CBX7: variants seen among roughly 807,000 people sequenced by gnomAD.
The protein encoded by CBX7 is chromobox protein homolog 7.
A neutral mutation model predicts 31.4 loss-of-function variants in CBX7; 14 were observed. The observed-to-expected ratio is 0.45, with a 90% confidence interval of 0.29 to 0.70. CBX7 has a LOEUF of 0.70. Ranked by LOEUF, CBX7 falls within the 30% of genes least tolerant of loss-of-function variation. The probability of loss-of-function intolerance (pLI) is 0.11; values close to 1 mark genes in which losing one functional copy is unlikely to be tolerated. For missense variants in CBX7, 269 were observed against 351.9 expected (o/e 0.76, Z 1.89); for synonymous variants, 159 against 152.6 (o/e 1.04, Z -0.31).
Position 39,133,888 on chromosome 22 carries a change from G to A in CBX7, c.*3C>T. ...ACAGTTTAAGAAGAGTAAAAACGGT[G>A]ATTCAGAACTTCCCACTGCGGTCTC... On this transcript the variant is annotated 3_prime_UTR_variant, in exon 6 of 6. Transcript: ENST00000216133. 9 of 1,603,450 alleles carry A rather than the reference G, an allele frequency of 5.6e-6. No homozygotes were observed. Among genetic ancestry groups the A allele is most frequent in the Non-Finnish European group, 6.0e-6 (7 of 1,173,612 alleles).
chr22:39,144,486 G>T (rs1168785415), intron 2 of CBX7, among the ~76,000 whole-genome samples: 1 of 152,220 alleles, frequency 6.6e-6, no homozygotes, highest in Non-Finnish European at 1.5e-5. Flanking sequence ...ACCCTGGCGC[G>T]CAGAGCCACC....
At chr22:39,141,791 C>A (rs1020516046) in intron 2 of CBX7, among the ~76,000 whole-genome samples, 37 of 151,828 alleles carry the variant, frequency 2.4e-4, no homozygotes, top group African/African-American at 8.7e-4. Context: ...TGGGCAGGTG[C>A]ACCAGCAGAG....
chr22:39,146,225 T>G (rs749638298), intron 2 of CBX7, among the ~76,000 whole-genome samples: 1 of 152,212 alleles, frequency 6.6e-6, no homozygotes, highest in South Asian at 2.1e-4. Flanking sequence ...GGAAAGCATT[T>G]CGATCAGTGT....
Position 39,132,892 on chromosome 22 carries a change from G to A in CBX7, c.*999C>T, listed in dbSNP as rs1292032886. ...AAGGACAGGGTCCAGACGTCTCAAA[G>A]CCTGTGCTGATACATCACACAACTT... On this transcript the variant is annotated 3_prime_UTR_variant, in exon 6 of 6. Coordinates refer to ENST00000216133, the MANE Select transcript of CBX7 (RefSeq NM_175709.5). 2.6e-5 allele frequency: 4 copies of A among 152,520 alleles called. No individual in the cohort carries two copies. The highest frequency in any genetic ancestry group is 5.9e-5 in the Non-Finnish European group (4 of 68,072). 9.4% of individuals were successfully genotyped at this position (152,520 alleles called of 1,614,324 possible).
chr22:39,138,521 G>C (rs1930336453), intron 4 of CBX7, 115 bp downstream of exon 4: 1 of 971,950 alleles, frequency 1.0e-6, no homozygotes, highest in South Asian at 1.3e-5. Flanking sequence ...GCCCTGGGTG[G>C]TACAGGCGAG....
intron 2 of CBX7, among the ~76,000 whole-genome samples, chr22:39,144,057 G>A (rs1294386545): frequency 6.6e-6 from 1 of 152,148 alleles, no homozygotes; most frequent in East Asian, 1.9e-4. Flanking sequence ...AAGAGCCTGG[G>A]AGAGCCCCTG....
intron 4 of CBX7, chr22:39,135,110 T>A: frequency 4.6e-6 from 1 of 218,944 alleles, no homozygotes; most frequent in East Asian, 9.8e-5. Context: ...GAAAGGCATC[T>A]TTGCTTGCCA....
intron 4 of CBX7, among the ~76,000 whole-genome samples, chr22:39,137,795 C>T (rs1260783884): frequency 1.3e-5 from 2 of 152,098 alleles, no homozygotes; most frequent in Non-Finnish European, 2.9e-5. Context: ...GACTTGGGTC[C>T]CCAACTGACT....
chr22:39,148,716 C>T (rs1930746343), intron 2 of CBX7: 1 of 152,434 alleles, frequency 6.6e-6, no homozygotes, highest in African/African-American at 2.4e-5. Context: ...CACAGGTCAC[C>T]CAGAACATGT....
intron 3 of CBX7, among the ~76,000 whole-genome samples, chr22:39,140,153 A>C (rs1433355262): frequency 6.6e-6 from 1 of 152,196 alleles, no homozygotes; most frequent in Non-Finnish European, 1.5e-5. Context: ...ACCTTGGGCC[A>C]GGCTCTTACT....
chr22:39,141,765 G>C (rs985930899), intron 2 of CBX7, among the ~76,000 whole-genome samples: 2 of 150,766 alleles, frequency 1.3e-5, no homozygotes, highest in African/African-American at 4.9e-5. Flanking sequence ...AAAAAGGTCA[G>C]AGCCATCGCT....
intron 1 of CBX7, among the ~76,000 whole-genome samples, chr22:39,151,187 G>A (rs933979578): frequency 6.6e-6 from 1 of 152,236 alleles, no homozygotes; most frequent in African/African-American, 2.4e-5. Context: ...GAAAAGCACT[G>A]AGCTTTGTGG....
At position 39,133,809 on chromosome 22, in the gene CBX7, C is replaced by T. The variant is rs940814016; in HGVS notation, c.*82G>A. 106 of 1,288,138 alleles carry T rather than the reference C, an allele frequency of 8.2e-5. No homozygotes were observed. Among genetic ancestry groups the T allele is most frequent in the Non-Finnish European group, 9.7e-5 (93 of 959,718 alleles). The allele number at this position is 1,288,138 out of a possible 1,614,324, so 79.8% of individuals were successfully genotyped here. ...GTATTTTTTTAAATAAAATAATTAC[C>T]CCGCCCCCAACCCATCCCTATCTCT... On this transcript the variant is annotated 3_prime_UTR_variant, in exon 6 of 6. Transcript: ENST00000216133.
intron 2 of CBX7, among the ~76,000 whole-genome samples, chr22:39,144,017 A>G (rs1930552905): frequency 6.6e-6 from 1 of 152,228 alleles, no homozygotes; most frequent in Admixed American, 6.5e-5. Flanking sequence ...ACGGAAGGCA[A>G]TGGGCGTTAG....
chr22:39,149,889 G>C, intron 1 of CBX7, 57 bp from the exon 2 acceptor site: 1 of 1,454,908 alleles, frequency 6.9e-7, no homozygotes, highest in Non-Finnish European at 9.7e-7. Flanking sequence ...ACAGCCACTC[G>C]GAAGGACAGT....
chr22:39,134,764 A>C lies in CBX7; in HGVS notation c.247-12T>G. The C allele has an allele frequency of 6.8e-7, 1 of 1,473,352 alleles. No individual in the cohort carries two copies. The highest frequency in any genetic ancestry group is 1.3e-5 in the South Asian group (1 of 75,962). The allele number at this position is 1,473,352 out of a possible 1,614,324, so 91.3% of individuals were successfully genotyped here. A position where few individuals can be genotyped will look rare whatever the true frequency, so the allele number is the denominator to read the frequency against. ...ATGCTGTACAGCCGCTGCGGGGGCA[A>C]GCCAGGGCAGCGCGGGTCAGCCCCA... On this transcript the variant is annotated splice_polypyrimidine_tract_variant and intron_variant, in intron 4 of 5. Coordinates refer to ENST00000216133, the MANE Select transcript of CBX7 (RefSeq NM_175709.5).
In CBX7 at chr22:39,149,838, A is replaced by G. The variant is rs779974021; in HGVS notation, c.70-6T>C. On this transcript the variant is annotated splice_region_variant and splice_polypyrimidine_tract_variant and intron_variant, in intron 1 of 5. Transcript: ENST00000216133. ...ACCAGATACTCGACTTTACCCTGAGAAGAGAGAGAAGCAGACACAGTGAGT... is the reference window on the plus strand; with the variant it reads ...ACCAGATACTCGACTTTACCCTGAGGAGAGAGAGAAGCAGACACAGTGAGT... The G allele has an allele frequency of 2.5e-6, 4 of 1,613,496 alleles. No homozygotes were observed. Among genetic ancestry groups the G allele is most frequent in the South Asian group, 1.1e-5 (1 of 91,054 alleles).
chr22:39,146,080 C>T (rs1403994667), intron 2 of CBX7, among the ~76,000 whole-genome samples: 1 of 152,234 alleles, frequency 6.6e-6, no homozygotes, highest in Non-Finnish European at 1.5e-5. Context: ...GAAGACACAG[C>T]ACGGGCTCTG....
intron 2 of CBX7, among the ~76,000 whole-genome samples, chr22:39,146,105 G>A (rs113041155): frequency 1.3e-4 from 20 of 152,348 alleles, no homozygotes; most frequent in African/African-American, 4.8e-4. Context: ...AGACTGCGGG[G>A]TGCGGCCTCG....
Sources: gnomAD v4.1 joint callset for allele counts (sites outside exome capture counted in the v4.1 genomes callset) on GRCh38, gnomAD v4.1.1 for gene constraint, MANE v1.5 for transcripts, NCBI Gene and HGNC (gene_info 2026-07-23, HGNC 2026-07-21) for gene names.